The following SLC16A2 variants were observed in gnomAD, a reference collection of about 807,000 sequenced individuals.
SLC16A2 encodes the protein solute carrier family 16 member 2.
In SLC16A2, 3 loss-of-function variants were observed where a neutral mutation model predicts 27.2. The observed-to-expected ratio is 0.11, with a 90% CI of 0.05 to 0.28. The LOEUF (loss-of-function observed/expected upper bound fraction) is 0.28. Among genes scored for constraint, SLC16A2 ranks in the 10% least tolerant of loss-of-function variants. The pLI is 1.00. For synonymous variants in SLC16A2, 202 were observed against 187.8 expected (o/e 1.08, Z -0.62); for missense variants, 295 against 458.5 (o/e 0.64, Z 3.26).
intron 1 of SLC16A2, among the ~76,000 whole-genome samples, chrX:74,454,750 T>C (rs1490689106): frequency 1.8e-5 from 2 of 111,648 alleles, no homozygotes; most frequent in Non-Finnish European, 1.9e-5. Context: ...CGCTGGGCTT[T>C]TGACTACACT....
chrX:74,529,465 G>A (rs1930534466), intron 5 of SLC16A2, 24 bp downstream of exon 5: 3 of 1,102,576 alleles, frequency 2.7e-6, no homozygotes, highest in Non-Finnish European at 1.2e-6. Flanking sequence ...TCCAGGGAGG[G>A]CATGAATCAG....
At chrX:74,485,483 A>G (rs911681312) in intron 1 of SLC16A2, among the ~76,000 whole-genome samples, 3 of 110,262 alleles carry the variant, frequency 2.7e-5, no homozygotes, top group Non-Finnish European at 3.8e-5. Flanking sequence ...CTTTATTCTA[A>G]TGTTACCAGG....
At chrX:74,458,673 T>C (rs903084870) in intron 1 of SLC16A2, among the ~76,000 whole-genome samples, 19 of 111,826 alleles carry the variant, frequency 1.7e-4, no homozygotes, top group African/African-American at 6.2e-4. Flanking sequence ...AAATTTCAAG[T>C]ACATAATATA....
intron 1 of SLC16A2, among the ~76,000 whole-genome samples, chrX:74,428,595 T>TACAGTGA (rs1928465040): frequency 6.3e-5 from 7 of 111,096 alleles, no homozygotes; most frequent in Non-Finnish European, 1.3e-4. Flanking sequence ...ACAGGCCCAC[T>TACAGTGA]CCTACACATC....
chrX:74,495,332 A>T (rs1019208340), intron 1 of SLC16A2, among the ~76,000 whole-genome samples: 3 of 110,341 alleles, frequency 2.7e-5, no homozygotes, highest in South Asian at 7.9e-4. Context: ...GGGGAAAGGG[A>T]GTGTCCAGGC....
At chrX:74,530,600 G>A (rs2147350519) in intron 5 of SLC16A2, among the ~76,000 whole-genome samples, 1 of 111,759 alleles carries the variant, frequency 8.9e-6, no homozygotes, top group East Asian at 2.8e-4. Flanking sequence ...GGGGGAAGGG[G>A]GCCTCTACTC....
chrX:74,428,625 CCCTTTCCCCTT>C lies in SLC16A2; in HGVS notation c.430+6566_430+6576del, dbSNP rs1928466437. Among the ~76,000 whole-genome samples, 6 of 111,003 alleles carry C rather than the reference CCCTTTCCCCTT, an allele frequency of 5.4e-5. 1 individual carries two copies. In the South Asian group the frequency reaches 2.3e-3, roughly 43 times the overall value. On this transcript the variant is annotated intron_variant, in intron 1 of 5. Coordinates refer to ENST00000587091, the MANE Select transcript of SLC16A2 (RefSeq NM_006517.5). ...CACATCCTACAGAGGCCTCCCTTCC[CCCTTTCCCCTT>C]CCTTTCCTCTCTTACTTTCCACTTT... is the stretch of plus-strand genomic sequence containing the variant.
At chrX:74,518,032 A>C (rs111711894) in intron 1 of SLC16A2, among the ~76,000 whole-genome samples, 7,436 of 111,677 alleles carry the variant, frequency 0.067, 274 homozygotes, top group Non-Finnish European at 0.1. Flanking sequence ...GTTGAAGTAC[A>C]TTTGGGTTGT....
chrX:74,428,219 C>T (rs1457792300), intron 1 of SLC16A2, among the ~76,000 whole-genome samples: 1 of 111,270 alleles, frequency 9.0e-6, no homozygotes, highest in Non-Finnish European at 1.9e-5. Context: ...ATTTCATCAC[C>T]TGCCTGAAGC....
intron 1 of SLC16A2, among the ~76,000 whole-genome samples, chrX:74,483,025 A>G (rs1477799734): frequency 9.0e-6 from 1 of 111,544 alleles, no homozygotes; most frequent in African/African-American, 3.3e-5. Context: ...CTTTAAGCAT[A>G]GCTTCCTTTA....
chrX:74,447,675 T>C (rs1928861376), intron 1 of SLC16A2, among the ~76,000 whole-genome samples: 1 of 93,338 alleles, frequency 1.1e-5, no homozygotes, highest in African/African-American at 4.1e-5. Context: ...AACCTGTTTC[T>C]ATGTATTTAA....
intron 1 of SLC16A2, chrX:74,473,514 T>C: frequency 3.3e-6 from 2 of 611,929 alleles, no homozygotes; most frequent in Non-Finnish European, 5.5e-6. Context: ...AAATCCCTTT[T>C]CTTACCACTG....
chrX:74,496,589 T>C (rs1004819490), intron 1 of SLC16A2, among the ~76,000 whole-genome samples: 4 of 111,812 alleles, frequency 3.6e-5, no homozygotes, highest in African/African-American at 9.8e-5. Context: ...GAACAACCCA[T>C]CTCAGGTGCT....
intron 1 of SLC16A2, among the ~76,000 whole-genome samples, chrX:74,499,907 G>T (rs1229980215): frequency 9.0e-6 from 1 of 111,358 alleles, no homozygotes. Flanking sequence ...GTGACCAAAG[G>T]TACTCTCTTC....
rs1419651829 is a variant in SLC16A2 at position 74,510,869 on chromosome X, T to C, written c.431-10121T>C. Among the ~76,000 whole-genome samples the C allele has an allele frequency of 5.8e-5, 6 of 103,729 alleles. No homozygotes were observed. In the East Asian group the frequency reaches 9.1e-4, roughly 16 times the overall value. The allele number at this position is 103,729 out of a possible 115,157, so 90.1% of individuals were successfully genotyped here. A position where few individuals can be genotyped will look rare whatever the true frequency, so the allele number is the denominator to read the frequency against. On this transcript the variant is annotated intron_variant, in intron 1 of 5. Coordinates refer to ENST00000587091, the MANE Select transcript of SLC16A2 (RefSeq NM_006517.5). ...GAGTTTGAGACCAGCCTAGGCAACA[T>C]AGCAAGATCCCATCGCTTCAAAAAC... is the stretch of plus-strand genomic sequence containing the variant.
chrX:74,505,343 A>G (rs922175415), intron 1 of SLC16A2, among the ~76,000 whole-genome samples: 3 of 111,439 alleles, frequency 2.7e-5, no homozygotes, highest in Non-Finnish European at 3.8e-5. Context: ...CTGTTTCCTC[A>G]TTTTCCCCAT....
At chrX:74,480,848 A>G (rs1929603578) in intron 1 of SLC16A2, among the ~76,000 whole-genome samples, 1 of 112,145 alleles carries the variant, frequency 8.9e-6, no homozygotes, top group Admixed American at 9.4e-5. Context: ...AGCAATAAGT[A>G]TATTAGCCTT....
At chrX:74,531,199 G>A in intron 5 of SLC16A2, 134 bp from the exon 6 acceptor site, 1 of 539,514 alleles carries the variant, frequency 1.9e-6, no homozygotes, top group Non-Finnish European at 3.3e-6. Flanking sequence ...TTGAAGTTGA[G>A]GGAGCTCCTG....
At chrX:74,478,596 G>C (rs1034906989) in intron 1 of SLC16A2, among the ~76,000 whole-genome samples, 77 of 111,666 alleles carry the variant, frequency 6.9e-4, no homozygotes, top group African/African-American at 2.4e-3. Context: ...TTTACAATTT[G>C]GCATGTTTTT....
Sources: gnomAD v4.1 joint callset for allele counts (sites outside exome capture counted in the v4.1 genomes callset) on GRCh38, gnomAD v4.1.1 for gene constraint, MANE v1.5 for transcripts, NCBI Gene and HGNC (gene_info 2026-07-23, HGNC 2026-07-21) for gene names.